The following TMEM120B variants were observed in gnomAD, a reference collection of about 807,000 sequenced individuals.
TMEM120B encodes transmembrane protein 120B.
Under a neutral mutation model 55.5 loss-of-function variants are expected in TMEM120B, and 31 were observed. That is an observed-to-expected ratio of 0.56 (90% CI 0.42 to 0.75). TMEM120B has a LOEUF of 0.75. TMEM120B is among the 30% of genes least tolerant of loss of function. The probability of loss-of-function intolerance (pLI) is 0.00; values close to 1 mark genes in which losing one functional copy is unlikely to be tolerated. For missense variants in TMEM120B, 399 were observed against 425.5 expected (o/e 0.94, Z 0.55); for synonymous variants, 203 against 176.3 (o/e 1.15, Z -1.20).
At chr12:121,763,053 G>A in intron 6 of TMEM120B, among the ~76,000 whole-genome samples, 1 of 151,934 alleles carries the variant, frequency 6.6e-6, no homozygotes. Flanking sequence ...CTGCCTCTAA[G>A]CTGAGTCTTG....
intron 5 of TMEM120B, among the ~76,000 whole-genome samples, chr12:121,760,554 A>C (rs540566331): frequency 6.6e-5 from 10 of 152,262 alleles, no homozygotes; most frequent in Admixed American, 2.0e-4. Flanking sequence ...TTGCCAGTGG[A>C]ATGTCCCCGG....
chr12:121,745,993 TG>T (rs1873069848), intron 2 of TMEM120B, among the ~76,000 whole-genome samples: 1 of 151,592 alleles, frequency 6.6e-6, no homozygotes, highest in African/African-American at 2.4e-5. Flanking sequence ...CCCAAGTAGC[TG>T]GGATTATAGG....
At chr12:121,774,536 G>A (rs1449417925) in intron 9 of TMEM120B, 122 bp from the exon 10 acceptor site, 63 of 887,252 alleles carry the variant, frequency 7.1e-5, no homozygotes, top group East Asian at 1.0e-4. Context: ...CTGACCCCCC[G>A]CATGTGTGAC....
chr12:121,779,741 C>T lies in TMEM120B; in HGVS notation c.*4019C>T. The stretch of plus-strand genomic sequence containing the variant: ...CACCACCTGGTGGGTTTGGGACTGG[C>T]TCTGAGGACTCTGCAGGGATGGAGG... On this transcript the variant is annotated 3_prime_UTR_variant, in exon 12 of 12. Coordinates refer to ENST00000449592, the MANE Select transcript of TMEM120B (RefSeq NM_001080825.2). 1.4e-6 allele frequency: 2 copies of T among 1,460,950 alleles called. No individual in the cohort carries two copies. The highest frequency in any genetic ancestry group is 1.9e-6 in the Non-Finnish European group (2 of 1,060,016). 90.5% of individuals were successfully genotyped at this position (1,460,950 alleles called of 1,614,324 possible).
chr12:121,780,434 C>A lies in TMEM120B; in HGVS notation c.*4712C>A. ...GCATTCCTTTTATTCTGTTTATTCC[C>A]CCATGCCTCACCCAAAGAGTTGCAC... On this transcript the variant is annotated 3_prime_UTR_variant, in exon 12 of 12. Transcript: ENST00000449592. 3.8e-6 allele frequency: 1 copy of A among 264,386 alleles called. No homozygotes were observed. Among genetic ancestry groups the A allele is most frequent in the Non-Finnish European group, 7.2e-6 (1 of 138,084 alleles). 16.4% of individuals were successfully genotyped at this position (264,386 alleles called of 1,614,324 possible). A position where few individuals can be genotyped will look rare whatever the true frequency, so the allele number is the denominator to read the frequency against.
intron 9 of TMEM120B, 58 bp downstream of exon 9, chr12:121,773,571 C>T: frequency 7.4e-7 from 1 of 1,355,128 alleles, no homozygotes; most frequent in Non-Finnish European, 1.0e-6. Flanking sequence ...CAGCTCCCCA[C>T]ACCGGGAGTG....
At chr12:121,718,799 C>T (rs1894745440) in intron 1 of TMEM120B, among the ~76,000 whole-genome samples, 2 of 152,092 alleles carry the variant, frequency 1.3e-5, no homozygotes, top group African/African-American at 4.8e-5. Flanking sequence ...TGGTTTTAAG[C>T]CAAAAGAGGG....
intron 8 of TMEM120B, among the ~76,000 whole-genome samples, chr12:121,771,994 A>C (rs933092056): frequency 5.3e-5 from 8 of 150,876 alleles, no homozygotes; most frequent in Non-Finnish European, 1.0e-4. Flanking sequence ...TTCCCTTTAA[A>C]TTTTATCCCA....
chr12:121,772,991 A>C (rs769247563), intron 8 of TMEM120B, among the ~76,000 whole-genome samples: 12 of 152,168 alleles, frequency 7.9e-5, no homozygotes, highest in African/African-American at 2.7e-4. Flanking sequence ...ACAGTTTATC[A>C]TGGCTATTTT....
At position 121,712,930 on chromosome 12, in the gene TMEM120B, G is replaced by C. The variant is rs1302708546; in HGVS notation, c.35G>C (p.Trp12Ser). ...SGQLERCERE[W>S]HELEGEFQEL... ...CAGCTGGAGCGTTGCGAGCGCGAAT[G>C]GCACGAGCTGGAGGGAGAATTTCAA... The change falls in exon 1 of 12, where the codon TGG (tryptophan) becomes TCG (serine). Residue 12 changes from tryptophan to serine, a missense_variant. Physicochemically the swap from Trp to Ser is radical, Grantham distance 177. Transcript: ENST00000449592. The C allele has an allele frequency of 1.3e-6, 2 of 1,536,274 alleles. No homozygotes were observed. The highest frequency in any genetic ancestry group is 5.4e-5 in the East Asian group (2 of 37,214).
intron 6 of TMEM120B, among the ~76,000 whole-genome samples, chr12:121,769,056 G>T (rs1382897833): frequency 6.6e-6 from 1 of 150,512 alleles, no homozygotes; most frequent in Non-Finnish European, 1.5e-5. Context: ...TGAGGCAGGA[G>T]AATTGCCTGA....
chr12:121,771,101 G>A, intron 7 of TMEM120B, 129 bp downstream of exon 7: 1 of 1,050,278 alleles, frequency 9.5e-7, no homozygotes, highest in East Asian at 2.6e-5. Context: ...AAGAAAGTAT[G>A]AGCCTGCAGC....
chr12:121,781,429 C>T lies in TMEM120B; in HGVS notation c.*5707C>T, dbSNP rs947450447. On this transcript the variant is annotated 3_prime_UTR_variant, in exon 12 of 12. Coordinates refer to ENST00000449592, the MANE Select transcript of TMEM120B (RefSeq NM_001080825.2). ...AAGGCTACAGTGAGCCGTGATCATG[C>T]CACTGCACTCCAGCCTGGGTGACAG... The T allele has an allele frequency of 8.3e-6, 4 of 479,984 alleles. No individual in the cohort carries two copies. Among genetic ancestry groups the T allele is most frequent in the Admixed American group, 3.5e-5 (1 of 28,336 alleles). The allele number at this position is 479,984 out of a possible 1,614,324, so 29.7% of individuals were successfully genotyped here. A position where few individuals can be genotyped will look rare whatever the true frequency, so the allele number is the denominator to read the frequency against.
chr12:121,764,801 C>T (rs879319450), intron 6 of TMEM120B, among the ~76,000 whole-genome samples: 4 of 152,154 alleles, frequency 2.6e-5, no homozygotes, highest in Non-Finnish European at 4.4e-5. Flanking sequence ...GTGGAGGTCT[C>T]TGCAAGTGTG....
At chr12:121,763,461 C>T (rs1248241036) in intron 6 of TMEM120B, among the ~76,000 whole-genome samples, 1 of 150,906 alleles carries the variant, frequency 6.6e-6, no homozygotes, top group Non-Finnish European at 1.5e-5. Context: ...TGCACCTGGC[C>T]GAGATGGAGT....
chr12:121,764,542 G>A (rs1283791222), intron 6 of TMEM120B, among the ~76,000 whole-genome samples: 1 of 151,954 alleles, frequency 6.6e-6, no homozygotes, highest in East Asian at 1.9e-4. Flanking sequence ...AGCCAGGCAT[G>A]GTGGTGTACA....
chr12:121,771,060 GT>G, intron 7 of TMEM120B, 88 bp downstream of exon 7: 1 of 1,422,524 alleles, frequency 7.0e-7, no homozygotes, highest in Non-Finnish European at 9.8e-7. Flanking sequence ...CCAGACAGCG[GT>G]GGGGGGTGTG....
chr12:121,728,883 C>T (rs1894946986), intron 1 of TMEM120B, among the ~76,000 whole-genome samples: 1 of 152,202 alleles, frequency 6.6e-6, no homozygotes, highest in African/African-American at 2.4e-5. Context: ...CATCTTGCTA[C>T]CTTCAGAACT....
chr12:121,722,125 G>A (rs1052447889), intron 1 of TMEM120B, among the ~76,000 whole-genome samples: 3 of 135,592 alleles, frequency 2.2e-5, no homozygotes, highest in Non-Finnish European at 4.7e-5. Context: ...TTGAGATAGA[G>A]TCTCGCTCTG....
Sources: allele counts gnomAD v4.1 joint callset (sites outside exome capture counted in the v4.1 genomes callset), GRCh38; gene constraint gnomAD v4.1.1; transcripts MANE v1.5; gene names NCBI Gene and HGNC (gene_info 2026-07-23, HGNC 2026-07-21).